CYP4F12: variants seen among roughly 807,000 people sequenced by gnomAD.
CYP4F12 encodes the protein cytochrome P450 4F12.
In CYP4F12, 60 loss-of-function variants were observed where a neutral mutation model predicts 56.5. The ratio of observed to expected loss-of-function variants is 1.06; its 90% CI spans 0.86 to 1.32. The LOEUF is 1.32. CYP4F12 is among the 40% of genes most tolerant of loss of function. The probability of loss-of-function intolerance (pLI) is 0.00; values close to 1 mark genes in which losing one functional copy is unlikely to be tolerated. For synonymous variants in CYP4F12, 263 were observed against 264.9 expected, an observed-to-expected ratio of 0.99 and a Z score of 0.07; for missense variants, 711 against 683.5, an observed-to-expected ratio of 1.04 and a Z score of -0.45.
intron 12 of CYP4F12, 34 bp downstream of exon 12, chr19:15,696,546 A>G (rs2008150684): frequency 6.2e-7 from 1 of 1,604,380 alleles, no homozygotes; most frequent in East Asian, 2.2e-5. Flanking sequence ...CAGGGATGGG[A>G]TGATGGGTGC....
intron 9 of CYP4F12, 42 bp downstream of exon 9, chr19:15,685,239 G>A: frequency 6.3e-7 from 1 of 1,599,280 alleles, no homozygotes; most frequent in Non-Finnish European, 8.5e-7. Flanking sequence ...GCCCATCATT[G>A]GTTCTGCTCC....
intron 2 of CYP4F12, among the ~76,000 whole-genome samples, chr19:15,674,689 C>CCTCACTCACTCATTCCTCTT (rs2006830233): frequency 0.018 from 2,450 of 135,274 alleles, 28 homozygotes; most frequent in African/African-American, 0.062. Flanking sequence ...TCATTCCTCT[C>CCTCACTCACTCATTCCTCTT]CTCATTCACT....
At chr19:15,691,578 C>T (rs1247924178) in intron 9 of CYP4F12, among the ~76,000 whole-genome samples, 6 of 152,014 alleles carry the variant, frequency 3.9e-5, no homozygotes, top group Admixed American at 3.9e-4. Context: ...CATCCTTTGC[C>T]CAAGTTGATA....
At position 15,673,814 on chromosome 19, in the gene CYP4F12, G is replaced by A. The variant is rs1165781014; in HGVS notation, c.198+87G>A. 2.7e-6 allele frequency: 4 copies of A among 1,481,782 alleles called. No individual in the cohort carries two copies. In the East Asian group the frequency reaches 9.1e-5, roughly 34 times the overall value. The allele number at this position is 1,481,782 out of a possible 1,614,324, so 91.8% of individuals were successfully genotyped here. Reference sequence around the variant, plus strand: ...AATGGGGCTCAGTGAGCTAGGTATTGATGGTGGCTGGGGTCTGCGACCCCA... The same window carrying A: ...AATGGGGCTCAGTGAGCTAGGTATTAATGGTGGCTGGGGTCTGCGACCCCA... On this transcript the variant is annotated intron_variant, in intron 2 of 12. Transcript: ENST00000550308.
chr19:15,678,850 G>T (rs1246178134), intron 3 of CYP4F12, among the ~76,000 whole-genome samples: 8 of 152,208 alleles, frequency 5.3e-5, no homozygotes, highest in Non-Finnish European at 1.0e-4. Context: ...GTCCCAGCCA[G>T]TCCTTGCACC....
At position 15,678,233 on chromosome 19, in the gene CYP4F12, G is replaced by C; in HGVS notation, c.199-28G>C. On this transcript the variant is annotated intron_variant, in intron 2 of 12. Transcript: ENST00000550308. The stretch of plus-strand genomic sequence containing the variant: ...GGACACCTAAAATTAACCATCACAG[G>C]AAGTGACAGCCCTTGACTTGCTTTC... 2.5e-6 allele frequency: 4 copies of C among 1,613,940 alleles called. No individual in the cohort carries two copies. In the East Asian group the frequency reaches 6.7e-5, roughly 27 times the overall value.
chr19:15,680,718 G>C (rs2007251196), intron 5 of CYP4F12, 199 bp downstream of exon 5: 1 of 677,988 alleles, frequency 1.5e-6, no homozygotes, highest in Non-Finnish European at 2.6e-6. Context: ...TAGGTTCTCA[G>C]AAGGTGTCAG....
At chr19:15,680,371 T>C (rs2007222394) in intron 4 of CYP4F12, 21 bp from the exon 5 acceptor site, 1 of 1,613,874 alleles carries the variant, frequency 6.2e-7, no homozygotes, top group Non-Finnish European at 8.5e-7. Context: ...TCTTGCCCAC[T>C]GTCCTTGGCT....
chr19:15,689,384 G>T (rs1372463338), intron 9 of CYP4F12, among the ~76,000 whole-genome samples: 1 of 152,114 alleles, frequency 6.6e-6, no homozygotes, highest in African/African-American at 2.4e-5. Flanking sequence ...AATCATCAGG[G>T]ATATGCAAAT....
chr19:15,695,484 C>T (rs1159072952), intron 9 of CYP4F12, among the ~76,000 whole-genome samples: 4 of 140,518 alleles, frequency 2.8e-5, no homozygotes, highest in Non-Finnish European at 4.5e-5. Context: ...GCACATGTAC[C>T]CTAAAAGTAT....
chr19:15,696,996 A>C lies in CYP4F12; in HGVS notation c.1486A>C (p.Thr496Pro), dbSNP rs780786279. The C allele has an allele frequency of 3.7e-6, 6 of 1,614,194 alleles. No individual in the cohort carries two copies. Among genetic ancestry groups the C allele is most frequent in the Non-Finnish European group, 4.2e-6 (5 of 1,179,996 alleles). The change falls in exon 13 of 13, where the codon ACT (threonine) becomes CCT (proline). Residue 496 changes from threonine (T) to proline (P), a missense_variant. Transcript: ENST00000550308. ...GCACTTCCGGTTCCTGCCAGACCAC[A>C]CTGAGCCCCGCAGGAAGCTGGAATT... ...LLHFRFLPDH[T>P]EPRRKLELIM...
intron 2 of CYP4F12, among the ~76,000 whole-genome samples, chr19:15,677,227 C>T (rs1448914945): frequency 8.1e-6 from 1 of 122,726 alleles, no homozygotes; most frequent in Non-Finnish European, 1.7e-5. Flanking sequence ...ATTCCTCTAC[C>T]CATTCACTCA....
In CYP4F12 at chr19:15,680,483, T is replaced by A; in HGVS notation, c.489T>A (p.Tyr163Ter). ...TCCATTTCAACATCCTGAAGTCCTATATAACGATCTTCAACAAGAGTGCAA... is the reference window on the plus strand; with the variant it reads ...TCCATTTCAACATCCTGAAGTCCTAAATAACGATCTTCAACAAGAGTGCAA... Reference protein sequence around the residue: ...PAFHFNILKSYITIFNKSANI... With the variant: ...PAFHFNILKS Residue 163 changes from tyrosine to a stop codon, truncating the protein, a stop_gained, in exon 5 of 13, where the codon TAT (tyrosine) becomes TAA (stop). Transcript: ENST00000550308. LOFTEE classifies it high-confidence loss of function. 6.2e-7 allele frequency: 1 copy of A among 1,614,158 alleles called. No individual in the cohort carries two copies. Among genetic ancestry groups the A allele is most frequent in the Non-Finnish European group, 8.5e-7 (1 of 1,180,018 alleles).
At chr19:15,686,568 G>A (rs1006392069) in intron 9 of CYP4F12, among the ~76,000 whole-genome samples, 2 of 152,140 alleles carry the variant, frequency 1.3e-5, no homozygotes, top group Non-Finnish European at 2.9e-5. Context: ...AGAGAGAAAG[G>A]AACTGAGTTG....
At chr19:15,684,983 C>T (rs1199544108) in intron 8 of CYP4F12, 85 bp from the exon 9 acceptor site, 16 of 1,571,424 alleles carry the variant, frequency 1.0e-5, no homozygotes, top group Admixed American at 5.4e-5. Flanking sequence ...CATCTTCCCC[C>T]TCCCTCCATC....
chr19:15,694,688 T>C (rs2008038238), intron 9 of CYP4F12, among the ~76,000 whole-genome samples: 1 of 152,228 alleles, frequency 6.6e-6, no homozygotes, highest in African/African-American at 2.4e-5. Context: ...TATTTCCTTC[T>C]CCTGCCTAAT....
At chr19:15,696,607 T>G in intron 12 of CYP4F12, 95 bp downstream of exon 12, 1 of 1,364,616 alleles carries the variant, frequency 7.3e-7, no homozygotes, top group Non-Finnish European at 1.0e-6. Context: ...CCAGCTCTCC[T>G]TCCCTCCATT....
At chr19:15,679,452 C>CT (rs2007162392) in intron 3 of CYP4F12, among the ~76,000 whole-genome samples, 1 of 137,036 alleles carries the variant, frequency 7.3e-6, no homozygotes, top group East Asian at 2.2e-4. Flanking sequence ...GAAAGCTCAC[C>CT]TTACCCCCAG....
At position 15,673,653 on chromosome 19, in the gene CYP4F12, T is replaced by C; in HGVS notation, c.124T>C (p.Tyr42His). ...ARILAWTYAF[Y>H]NNCRRLQCFP... Reference sequence around the variant, plus strand: ...CATCCTGGCTTGGACCTATGCCTTCTATAACAACTGCCGCCGGCTCCAGTG... The same window carrying C: ...CATCCTGGCTTGGACCTATGCCTTCCATAACAACTGCCGCCGGCTCCAGTG... The change falls in exon 2 of 13, where the codon TAT (tyrosine) becomes CAT (histidine). Residue 42 changes from tyrosine (Y) to histidine (H), a missense_variant. Tyr to His is a moderately conservative substitution (Grantham distance 83, BLOSUM62 2). Coordinates refer to ENST00000550308, the MANE Select transcript of CYP4F12 (RefSeq NM_023944.4). 1 of 1,614,178 alleles carries C rather than the reference T, an allele frequency of 6.2e-7. No individual in the cohort carries two copies. Among genetic ancestry groups the C allele is most frequent in the South Asian group, 1.1e-5 (1 of 91,082 alleles).
Sources: gnomAD v4.1 joint callset for allele counts (sites outside exome capture counted in the v4.1 genomes callset) on GRCh38, gnomAD v4.1.1 for gene constraint, MANE v1.5 for transcripts, NCBI Gene and HGNC (gene_info 2026-07-23, HGNC 2026-07-21) for gene names.